KIF26B: variants seen among roughly 807,000 people sequenced by gnomAD.
KIF26B encodes kinesin family member 26B, also known as kinesin-like protein KIF26B.
KIF26B carries 63 observed loss-of-function variants against 151.2 expected under a neutral mutation model. The ratio of observed to expected loss-of-function variants is 0.42; its 90% CI spans 0.34 to 0.51. The LOEUF (loss-of-function observed/expected upper bound fraction) is 0.51. Ranked by LOEUF, KIF26B falls within the 20% of genes least tolerant of loss-of-function variation. KIF26B has a pLI of 0.07. For missense variants in KIF26B, 2,813 were observed against 2,913.6 expected (o/e 0.97, Z 0.79); for synonymous variants, 1,357 against 1,262.1 (o/e 1.08, Z -1.59).
intron 3 of KIF26B, among the ~76,000 whole-genome samples, chr1:245,370,046 A>G (rs1673074936): frequency 6.6e-6 from 1 of 152,206 alleles, no homozygotes. Context: ...CAAAAGTAAC[A>G]TATTTGTTGT....
intron 9 of KIF26B, among the ~76,000 whole-genome samples, chr1:245,640,936 A>G (rs1009603997): frequency 2.6e-5 from 4 of 152,114 alleles, no homozygotes; most frequent in African/African-American, 9.7e-5. Context: ...AAAATTTTAA[A>G]TGGTTTAGAT....
At chr1:245,188,910 G>A (rs1368360846) in intron 2 of KIF26B, among the ~76,000 whole-genome samples, 5 of 152,224 alleles carry the variant, frequency 3.3e-5, no homozygotes, top group Non-Finnish European at 7.3e-5. Context: ...CTACAACATG[G>A]ATGAACCTTG....
chr1:245,246,206 G>A (rs1426705859), intron 2 of KIF26B, among the ~76,000 whole-genome samples: 3 of 152,054 alleles, frequency 2.0e-5, no homozygotes, highest in Non-Finnish European at 4.4e-5. Context: ...TAAAAATACA[G>A]CCCTGGAATT....
intron 5 of KIF26B, among the ~76,000 whole-genome samples, chr1:245,595,920 T>G (rs2043332543): frequency 6.6e-6 from 1 of 152,232 alleles, no homozygotes; most frequent in African/African-American, 2.4e-5. Context: ...AATTTATCCA[T>G]TTCTTCTAGA....
intron 2 of KIF26B, among the ~76,000 whole-genome samples, chr1:245,187,901 T>G (rs1669027352): frequency 6.6e-6 from 1 of 152,112 alleles, no homozygotes; most frequent in Non-Finnish European, 1.5e-5. Flanking sequence ...AAATTGTGGT[T>G]GAGGATTATT....
chr1:245,354,538 T>C (rs1261513563), intron 2 of KIF26B, among the ~76,000 whole-genome samples: 1 of 152,184 alleles, frequency 6.6e-6, no homozygotes, highest in Non-Finnish European at 1.5e-5. Context: ...GGAAGGGCAA[T>C]GTCCTGTGTA....
rs999200772 is a variant in KIF26B, at chr1:245,341,321, T to G, written c.466-25513T>G. On this transcript the variant is annotated intron_variant, in intron 2 of 14. Coordinates refer to ENST00000407071, the MANE Select transcript of KIF26B (RefSeq NM_018012.4). ...AGATGCAGTTTTTTTTTTTTTTTTT[T>G]TTTTTTTTTTTTTTTTTGAGACACT... is the stretch of plus-strand genomic sequence containing the variant. 7.1e-3 allele frequency among the ~76,000 whole-genome samples: 546 copies of G among 76,458 alleles called. 22 individuals carry two copies. The East Asian group carries it at 0.16, about 22-fold the overall frequency. The allele number at this position is 76,458 out of a possible 152,430, so 50.2% of individuals were successfully genotyped here.
intron 2 of KIF26B, among the ~76,000 whole-genome samples, chr1:245,171,504 A>G (rs1462772176): frequency 6.6e-6 from 1 of 152,172 alleles, no homozygotes; most frequent in Non-Finnish European, 1.5e-5. Context: ...AGATCGCGCC[A>G]TTGCACTCCA....
intron 7 of KIF26B, 145 bp downstream of exon 7, chr1:245,607,889 T>C (rs1286187109): frequency 6.2e-6 from 4 of 641,682 alleles, no homozygotes; most frequent in African/African-American, 1.8e-5. Flanking sequence ...TAACAAGTTA[T>C]ACGACGAAAA....
At chr1:245,498,386 C>G (rs561815855) in intron 4 of KIF26B, among the ~76,000 whole-genome samples, 17 of 152,192 alleles carry the variant, frequency 1.1e-4, no homozygotes, top group Admixed American at 3.3e-4. Flanking sequence ...ACTCCGCCAG[C>G]AAACATCTTC....
intron 4 of KIF26B, among the ~76,000 whole-genome samples, chr1:245,515,072 G>A (rs1558195037): frequency 6.6e-6 from 1 of 152,172 alleles, no homozygotes; most frequent in Non-Finnish European, 1.5e-5. Flanking sequence ...AGACCTGGGT[G>A]TTTGAGTCCC....
At chr1:245,223,093 A>G (rs539056127) in intron 2 of KIF26B, among the ~76,000 whole-genome samples, 1 of 152,240 alleles carries the variant, frequency 6.6e-6, no homozygotes, top group Admixed American at 6.5e-5. Context: ...TACAGCTGGG[A>G]TAGGGTACTA....
chr1:245,466,003 G>A (rs987458714), intron 4 of KIF26B, among the ~76,000 whole-genome samples: 3 of 152,224 alleles, frequency 2.0e-5, no homozygotes, highest in African/African-American at 7.2e-5. Flanking sequence ...AGTGGACCTG[G>A]ACGGGCAAGT....
intron 4 of KIF26B, among the ~76,000 whole-genome samples, chr1:245,510,607 TC>T (rs1660812468): frequency 2.0e-5 from 3 of 151,244 alleles, no homozygotes; most frequent in East Asian, 3.9e-4. Flanking sequence ...TCTCTCTCTC[TC>T]TCTCTCTTCC....
chr1:245,674,178 C>G (rs1403284416), intron 10 of KIF26B, among the ~76,000 whole-genome samples: 1 of 152,078 alleles, frequency 6.6e-6, no homozygotes, highest in African/African-American at 2.4e-5. Context: ...GTTTCCTTAT[C>G]CCCCCCACCA....
chr1:245,613,983 C>T (rs148887657), intron 9 of KIF26B, among the ~76,000 whole-genome samples: 126 of 152,310 alleles, frequency 8.3e-4, no homozygotes, highest in African/African-American at 2.9e-3. Context: ...CTGGCAACCA[C>T]GGATCTGATT....
intron 4 of KIF26B, among the ~76,000 whole-genome samples, chr1:245,446,097 A>G (rs1006062571): frequency 2.6e-5 from 4 of 152,204 alleles, no homozygotes; most frequent in Non-Finnish European, 5.9e-5. Context: ...ACATAAGCCT[A>G]AATGGTGTAG....
intron 4 of KIF26B, among the ~76,000 whole-genome samples, chr1:245,503,183 C>A (rs1305892583): frequency 6.6e-6 from 1 of 152,116 alleles, no homozygotes; most frequent in Non-Finnish European, 1.5e-5. Flanking sequence ...TTAAATGACA[C>A]ATAAAATTTC....
intron 11 of KIF26B, 148 bp from the exon 12 acceptor site, chr1:245,685,257 C>G (rs991661019): frequency 4.7e-6 from 3 of 640,096 alleles, no homozygotes; most frequent in Non-Finnish European, 8.1e-6. Context: ...GGGCATGGCA[C>G]CCCGAGTGGC....
Sources: allele counts gnomAD v4.1 joint callset (sites outside exome capture counted in the v4.1 genomes callset), GRCh38; gene constraint gnomAD v4.1.1; transcripts MANE v1.5; gene names NCBI Gene and HGNC (gene_info 2026-07-23, HGNC 2026-07-21).